PPP2R5E: variants seen among roughly 807,000 people sequenced by gnomAD.
PPP2R5E encodes the protein serine/threonine-protein phosphatase 2A 56 kDa regulatory subunit epsilon isoform.
Under a neutral mutation model 65.3 loss-of-function variants are expected in PPP2R5E, and 4 were observed. That is an observed-to-expected ratio of 0.06 (90% CI 0.03 to 0.14). PPP2R5E has a LOEUF of 0.14. PPP2R5E is among the 10% of genes least tolerant of loss of function. The probability of loss-of-function intolerance (pLI) is 1.00; values close to 1 mark genes in which losing one functional copy is unlikely to be tolerated. For missense variants in PPP2R5E, 274 were observed against 556.1 expected (o/e 0.49, Z 5.10); for synonymous variants, 183 against 187.4 (o/e 0.98, Z 0.19).
Position 63,467,232 on chromosome 14 carries a change from AAACAAACAAAC to A in PPP2R5E, c.158-13358_158-13348del, listed in dbSNP as rs1390621881. The stretch of plus-strand genomic sequence containing the variant: ...AGCAAGACTCCGTCTCAAAAAAAAC[AAACAAACAAAC>A]AAAAAAAACACTATTTACAACATGT... On this transcript the variant is annotated intron_variant, in intron 2 of 13. Transcript: ENST00000337537. Among the ~76,000 whole-genome samples, 908 of 126,764 alleles carry A rather than the reference AAACAAACAAAC, an allele frequency of 7.2e-3. 121 individuals are homozygous for A. Among genetic ancestry groups the A allele is most frequent in the African/African-American group, 0.037 (842 of 22,754 alleles). The allele number at this position is 126,764 out of a possible 152,430, so 83.2% of individuals were successfully genotyped here. A position where few individuals can be genotyped will look rare whatever the true frequency, so the allele number is the denominator to read the frequency against.
chr14:63,416,328 T>C (rs1375365001), intron 4 of PPP2R5E, among the ~76,000 whole-genome samples: 2 of 152,186 alleles, frequency 1.3e-5, no homozygotes, highest in Non-Finnish European at 2.9e-5. Flanking sequence ...TTTTAAACCA[T>C]GAATACTGGG....
rs59239063 is a variant in PPP2R5E, at chr14:63,390,295, GACACACACACAC to G, written c.955-576_955-565del. Among the ~76,000 whole-genome samples the G allele has an allele frequency of 6.0e-3, 845 of 140,178 alleles. 4 individuals carry two copies. The highest frequency in any genetic ancestry group is 0.019 in the African/African-American group (749 of 38,616). 92.0% of individuals were successfully genotyped at this position (140,178 alleles called of 152,430 possible). On this transcript the variant is annotated intron_variant, in intron 10 of 13. Transcript: ENST00000337537. The stretch of plus-strand genomic sequence containing the variant: ...CATAAGCATGCACTGACGCATTCTC[GACACACACACAC>G]ACACACACACACACACACACACACA...
At chr14:63,430,349 A>ACATACATACATACATACATGCATG (rs1566696246) in intron 3 of PPP2R5E, among the ~76,000 whole-genome samples, 94 of 103,642 alleles carry the variant, frequency 9.1e-4, no homozygotes, top group South Asian at 6.3e-3. Context: ...ACCCATGTAT[A>ACATACATACATACATACATGCATG]CATACATACA....
rs1214433807 is a variant in PPP2R5E at position 63,382,062 on chromosome 14, C to T, written c.1298G>A (p.Arg433His). The T allele has an allele frequency of 1.9e-6, 3 of 1,610,556 alleles. No individual in the cohort carries two copies. The highest frequency in any genetic ancestry group is 2.5e-6 in the Non-Finnish European group (3 of 1,178,044). The change falls in exon 13 of 14, where the codon CGT (arginine) becomes CAT (histidine). Residue 433 changes from arginine to histidine, a missense_variant. By Grantham distance (29) the Arg-to-His change is conservative (BLOSUM62 0). Around this residue, in one of 6 missense-constraint regions of PPP2R5E, gnomAD observed 129 missense variants for 254.9 expected, o/e 0.51. Transcript: ENST00000337537. ...DELTATYKSD[R>H]QREKKKEKER... ...AAAAGCTTTAAAAAGTTACCGCTGA[C>T]GATCTGACTTGTATGTGGCTGTCAG...
At chr14:63,470,073 C>T (rs1429809712) in intron 2 of PPP2R5E, among the ~76,000 whole-genome samples, 1 of 74,074 alleles carries the variant, frequency 1.3e-5, no homozygotes, top group East Asian at 5.9e-4. Context: ...TACCTCCCCA[C>T]ACCCCCCACT....
intron 5 of PPP2R5E, among the ~76,000 whole-genome samples, chr14:63,404,009 T>G (rs942611733): frequency 6.6e-6 from 1 of 152,126 alleles, no homozygotes; most frequent in South Asian, 2.1e-4. Flanking sequence ...AATAGCAGTA[T>G]AAGCATGCTG....
chr14:63,531,910 G>A (rs1357678752), intron 2 of PPP2R5E, among the ~76,000 whole-genome samples: 1 of 151,468 alleles, frequency 6.6e-6, no homozygotes, highest in East Asian at 1.9e-4. Flanking sequence ...CCGAGATGGG[G>A]CCACTGCACT....
intron 10 of PPP2R5E, 82 bp from the exon 11 acceptor site, chr14:63,389,813 G>A: frequency 3.0e-6 from 4 of 1,340,974 alleles, no homozygotes; most frequent in South Asian, 2.0e-5. Context: ...ATGAGAGTTT[G>A]GATTATTTTA....
chr14:63,408,610 C>A (rs1463190421), intron 5 of PPP2R5E, among the ~76,000 whole-genome samples: 1 of 152,022 alleles, frequency 6.6e-6, no homozygotes, highest in Non-Finnish European at 1.5e-5. Context: ...TAACTCTAAA[C>A]GTTTCAAGTT....
chr14:63,539,689 C>A lies in PPP2R5E; in HGVS notation c.-4G>T, dbSNP rs1893810318. On this transcript the variant is annotated 5_prime_UTR_variant, in exon 2 of 14. Transcript: ENST00000337537. ...GAGTAGTTGGTGCTGAGGACATATC[C>A]CTACTGAAGAGAAAGAAGTATCATA... 6.2e-7 allele frequency: 1 copy of A among 1,612,080 alleles called. No individual in the cohort carries two copies. Among genetic ancestry groups the A allele is most frequent in the Non-Finnish European group, 8.5e-7 (1 of 1,178,788 alleles).
chr14:63,378,696 C>T (rs886334615), intron 13 of PPP2R5E, among the ~76,000 whole-genome samples: 2 of 152,206 alleles, frequency 1.3e-5, no homozygotes, highest in Admixed American at 1.3e-4. Context: ...CGCTTAACCA[C>T]ACTGTCATGC....
chr14:63,507,575 CTTTTTTTTTTTT>C (rs756154248), intron 2 of PPP2R5E, among the ~76,000 whole-genome samples: 1 of 105,500 alleles, frequency 9.5e-6, no homozygotes, highest in East Asian at 2.6e-4. Context: ...GGGTAATTCT[CTTTTTTTTTTTT>C]TTTTTTTTTT....
Position 63,481,774 on chromosome 14 carries a change from ACTTT to A in PPP2R5E, c.158-27893_158-27890del, listed in dbSNP as rs1160274407. On this transcript the variant is annotated intron_variant, in intron 2 of 13. Coordinates refer to ENST00000337537, the MANE Select transcript of PPP2R5E (RefSeq NM_006246.5). ...AGCCTCATGGTCACAAGACATTTTA[ACTTT>A]CTTTATTTTAAAATGATATATTTTT... is the stretch of plus-strand genomic sequence containing the variant. Among the ~76,000 whole-genome samples the A allele has an allele frequency of 1.9e-4, 29 of 152,316 alleles. No homozygotes were observed. In the East Asian group the frequency reaches 3.9e-3, roughly 20 times the overall value.
At chr14:63,419,977 A>G (rs562841870) in intron 4 of PPP2R5E, among the ~76,000 whole-genome samples, 70 of 152,368 alleles carry the variant, frequency 4.6e-4, no homozygotes, top group African/African-American at 1.7e-3. Context: ...GCAGAATTAA[A>G]GAGTTTCAGA....
chr14:63,459,103 G>A (rs28560307), intron 2 of PPP2R5E, among the ~76,000 whole-genome samples: 45,600 of 151,996 alleles, frequency 0.3, 8,529 homozygotes, highest in African/African-American at 0.53. Context: ...TAAGACATAC[G>A]AGTCTATATT....
At chr14:63,450,798 G>C (rs1888781475) in intron 3 of PPP2R5E, among the ~76,000 whole-genome samples, 1 of 149,956 alleles carries the variant, frequency 6.7e-6, no homozygotes, top group Admixed American at 6.6e-5. Flanking sequence ...AGGAGCAAAT[G>C]AACAAATTCC....
At chr14:63,406,335 C>T (rs577165713) in intron 5 of PPP2R5E, among the ~76,000 whole-genome samples, 8 of 149,262 alleles carry the variant, frequency 5.4e-5, no homozygotes, top group East Asian at 2.0e-4. Context: ...CACTTGAACC[C>T]GGGAGGCGGA....
intron 3 of PPP2R5E, among the ~76,000 whole-genome samples, chr14:63,449,422 G>A (rs1312583881): frequency 6.6e-6 from 1 of 152,168 alleles, no homozygotes; most frequent in Non-Finnish European, 1.5e-5. Flanking sequence ...ACATGTTAGA[G>A]ACTGTTCTAA....
At chr14:63,427,227 C>A (rs1033779394) in intron 3 of PPP2R5E, among the ~76,000 whole-genome samples, 1 of 152,132 alleles carries the variant, frequency 6.6e-6, no homozygotes, top group African/African-American at 2.4e-5. Context: ...CAGGTATTTC[C>A]AAAGTCACAA....
Sources: gnomAD v4.1 joint callset for allele counts (sites outside exome capture counted in the v4.1 genomes callset) on GRCh38, gnomAD v4.1.1 for gene constraint, gnomAD v4.1.1 regional missense constraint, MANE v1.5 for transcripts, NCBI Gene and HGNC (gene_info 2026-07-23, HGNC 2026-07-21) for gene names.